Variants in ARNT2 observed in about 807,000 individuals in gnomAD.
ARNT2 encodes aryl hydrocarbon receptor nuclear translocator 2, also known as ARNT protein 2.
ARNT2 carries 36 observed loss-of-function variants against 91.7 expected under a neutral mutation model. The observed-to-expected ratio is 0.39, with a 90% CI of 0.30 to 0.52. The LOEUF (loss-of-function observed/expected upper bound fraction) is 0.52, where lower values mean the gene tolerates loss of function less well. ARNT2 is among the 20% of genes least tolerant of loss of function. The probability of loss-of-function intolerance (pLI) is 0.72; values close to 1 mark genes in which losing one functional copy is unlikely to be tolerated. For missense variants in ARNT2, 775 were observed against 939.3 expected, an observed-to-expected ratio of 0.83 and a Z score of 2.29; for synonymous variants, 365 against 347.1, an observed-to-expected ratio of 1.05 and a Z score of -0.57.
chr15:80,514,640 ACTTT>A (rs1302405892), intron 8 of ARNT2, among the ~76,000 whole-genome samples: 3 of 152,224 alleles, frequency 2.0e-5, no homozygotes, highest in Non-Finnish European at 4.4e-5. Context: ...TAATCCCAGC[ACTTT>A]GGGGGGCCAA....
rs558189462 is a variant in ARNT2, at chr15:80,576,655, G to A, written c.1514-211G>A. On this transcript the variant is annotated intron_variant, in intron 14 of 18. Coordinates refer to ENST00000303329, the MANE Select transcript of ARNT2 (RefSeq NM_014862.4). ...GCCTGTGGCCTAGCCTAGGGGTCAA[G>A]AACAACAGCCCAGTGCCTTCATATG... Among the ~76,000 whole-genome samples the A allele has an allele frequency of 3.9e-5, 6 of 152,366 alleles. No homozygotes were observed. The South Asian group carries it at 1.2e-3, about 32-fold the overall frequency.
At chr15:80,524,634 T>C (rs972292588) in intron 8 of ARNT2, among the ~76,000 whole-genome samples, 2 of 152,132 alleles carry the variant, frequency 1.3e-5, no homozygotes, top group Non-Finnish European at 2.9e-5. Flanking sequence ...CCTAGCACTT[T>C]GGGAGGCCGA....
chr15:80,499,942 G>C (rs900065163), intron 5 of ARNT2, among the ~76,000 whole-genome samples: 1 of 152,204 alleles, frequency 6.6e-6, no homozygotes, highest in Non-Finnish European at 1.5e-5. Flanking sequence ...TGCCCATTCA[G>C]AGCTCCCTCT....
chr15:80,535,630 A>T (rs538216727), intron 8 of ARNT2, among the ~76,000 whole-genome samples: 2 of 152,024 alleles, frequency 1.3e-5, no homozygotes, highest in Admixed American at 1.3e-4. Flanking sequence ...TTAAAACATT[A>T]TGAAGGTTAG....
chr15:80,443,023 C>T (rs1896218552), intron 1 of ARNT2: 2 of 985,126 alleles, frequency 2.0e-6, no homozygotes, highest in Non-Finnish European at 2.4e-6. Flanking sequence ...AGGAGAAGTC[C>T]AGGTACAGTA....
chr15:80,424,168 G>T (rs1357603147), intron 1 of ARNT2, among the ~76,000 whole-genome samples: 1 of 152,182 alleles, frequency 6.6e-6, no homozygotes, highest in Non-Finnish European at 1.5e-5. Flanking sequence ...ATCTGGGCAT[G>T]TATACACCCC....
chr15:80,586,356 A>G (rs1361884620), intron 17 of ARNT2, among the ~76,000 whole-genome samples: 1 of 152,134 alleles, frequency 6.6e-6, no homozygotes, highest in Non-Finnish European at 1.5e-5. Flanking sequence ...GTTTAGGGTG[A>G]GGTCTCTAAA....
chr15:80,431,838 C>G (rs565850174), intron 1 of ARNT2, among the ~76,000 whole-genome samples: 2 of 152,168 alleles, frequency 1.3e-5, no homozygotes, highest in Non-Finnish European at 2.9e-5. Flanking sequence ...CCCTGGTGGC[C>G]GAAGCCCTCT....
At chr15:80,513,778 G>A in intron 6 of ARNT2, 133 bp from the exon 7 acceptor site, 39 of 568,490 alleles carry the variant, frequency 6.9e-5, no homozygotes, top group South Asian at 1.8e-4. Flanking sequence ...CACTTTTGAA[G>A]AAAATTGGCT....
chr15:80,452,260 T>C (rs1896405363), intron 2 of ARNT2, among the ~76,000 whole-genome samples: 1 of 152,236 alleles, frequency 6.6e-6, no homozygotes, highest in African/African-American at 2.4e-5. Flanking sequence ...GCTTTCCCTG[T>C]ATTCAGCACG....
chr15:80,426,504 A>G (rs1266324556), intron 1 of ARNT2, among the ~76,000 whole-genome samples: 2 of 152,160 alleles, frequency 1.3e-5, no homozygotes, highest in Non-Finnish European at 2.9e-5. Context: ...CAGTCTCTCA[A>G]TTGCCCCTGT....
intron 4 of ARNT2, among the ~76,000 whole-genome samples, chr15:80,471,584 G>A (rs535474235): frequency 3.9e-5 from 6 of 152,292 alleles, no homozygotes; most frequent in East Asian, 3.9e-4. Context: ...AATAGTAGCC[G>A]CGATCAGAGC....
At chr15:80,489,756 C>T (rs1897026454) in intron 5 of ARNT2, among the ~76,000 whole-genome samples, 1 of 152,256 alleles carries the variant, frequency 6.6e-6, no homozygotes, top group Admixed American at 6.5e-5. Flanking sequence ...CGTCTTAGCA[C>T]AGCCCACATT....
intron 17 of ARNT2, among the ~76,000 whole-genome samples, chr15:80,582,140 AT>A (rs1898810500): frequency 6.6e-6 from 1 of 152,174 alleles, no homozygotes; most frequent in Admixed American, 6.5e-5. Context: ...AAACATCTGA[AT>A]TTCCACGTGG....
In ARNT2 at chr15:80,562,978, T is replaced by C. The variant is rs113239024; in HGVS notation, c.1165-110T>C. 3.4e-3 allele frequency: 4,078 copies of C among 1,216,668 alleles called. 96 individuals are homozygous for C. The African/African-American group carries it at 0.055, about 16-fold the overall frequency. The allele number at this position is 1,216,668 out of a possible 1,614,324, so 75.4% of individuals were successfully genotyped here. A position where few individuals can be genotyped will look rare whatever the true frequency, so the allele number is the denominator to read the frequency against. ...TGTCTTTTAGCCACAATGCCCCTAT[T>C]CTGAGGTCCTGCTGGCCCCTGCCGC... On this transcript the variant is annotated intron_variant, in intron 11 of 18. Coordinates refer to ENST00000303329, the MANE Select transcript of ARNT2 (RefSeq NM_014862.4).
intron 8 of ARNT2, among the ~76,000 whole-genome samples, chr15:80,518,243 T>C (rs1225397786): frequency 6.6e-6 from 1 of 151,716 alleles, no homozygotes; most frequent in African/African-American, 2.4e-5. Flanking sequence ...TCCTACTACC[T>C]TTGGTTTTCC....
In ARNT2 at chr15:80,552,635, C is replaced by A. The variant is rs1368833912; in HGVS notation, c.955-5C>A. The A allele has an allele frequency of 6.2e-7, 1 of 1,613,506 alleles. No individual in the cohort carries two copies. Among genetic ancestry groups the A allele is most frequent in the Admixed American group, 1.7e-5 (1 of 59,976 alleles). On this transcript the variant is annotated splice_polypyrimidine_tract_variant and splice_region_variant and intron_variant, in intron 9 of 18. Transcript: ENST00000303329. ...CACCTCAACTGTGGATTTTCCCCAT[C>A]CCAGGTGACCAGCTCTCCTGTATGC...
chr15:80,537,073 A>T (rs1214859548), intron 8 of ARNT2, among the ~76,000 whole-genome samples: 1 of 152,102 alleles, frequency 6.6e-6, no homozygotes. Context: ...CTCAGCCCAG[A>T]GCACTCTTTT....
chr15:80,547,786 C>T (rs1898014394), intron 8 of ARNT2, among the ~76,000 whole-genome samples: 1 of 152,018 alleles, frequency 6.6e-6, no homozygotes, highest in South Asian at 2.1e-4. Flanking sequence ...GTGGTATTAA[C>T]AAGTGCAGTT....
Sources: allele counts gnomAD v4.1 joint callset (sites outside exome capture counted in the v4.1 genomes callset), GRCh38; gene constraint gnomAD v4.1.1; transcripts MANE v1.5; gene names NCBI Gene and HGNC (gene_info 2026-07-23, HGNC 2026-07-21).